The following IGF2BP3 variants were observed in gnomAD, a reference collection of about 807,000 sequenced individuals.
IGF2BP3 encodes insulin-like growth factor 2 mRNA-binding protein 3.
IGF2BP3 carries 9 observed loss-of-function variants against 73.8 expected under a neutral mutation model. The ratio of observed to expected loss-of-function variants is 0.12; its 90% confidence interval spans 0.07 to 0.21. The LOEUF (loss-of-function observed/expected upper bound fraction) is 0.21, where lower values mean the gene tolerates loss of function less well. Among genes scored for constraint, IGF2BP3 ranks in the 10% least tolerant of loss-of-function variants. The pLI is 1.00. For synonymous variants in IGF2BP3, 258 were observed against 256.7 expected (o/e 1.01, Z -0.05); for missense variants, 542 against 714.0 (o/e 0.76, Z 2.75).
chr7:23,438,267 C>T (rs374284430), intron 2 of IGF2BP3, among the ~76,000 whole-genome samples: 18 of 152,186 alleles, frequency 1.2e-4, no homozygotes, highest in African/African-American at 4.1e-4. Context: ...GCACCCACCA[C>T]CATGCCTGGC....
At chr7:23,391,931 A>G (rs1435586269) in intron 3 of IGF2BP3, among the ~76,000 whole-genome samples, 1 of 152,224 alleles carries the variant, frequency 6.6e-6, no homozygotes, top group Non-Finnish European at 1.5e-5. Context: ...TTCAAGAAAC[A>G]ATAAGTAAAT....
intron 14 of IGF2BP3, 70 bp downstream of exon 14, chr7:23,312,665 G>A (rs1783864773): frequency 9.0e-7 from 1 of 1,108,882 alleles, no homozygotes; most frequent in East Asian, 2.4e-5. Flanking sequence ...ATTCTATCAG[G>A]TAGGAGCACC....
chr7:23,342,736 T>C (rs1229187453), intron 9 of IGF2BP3, among the ~76,000 whole-genome samples: 1 of 152,154 alleles, frequency 6.6e-6, no homozygotes. Context: ...GAAAGGGTAT[T>C]TTAATTTGTT....
chr7:23,415,881 T>G (rs1787176271), intron 3 of IGF2BP3, among the ~76,000 whole-genome samples: 1 of 152,194 alleles, frequency 6.6e-6, no homozygotes, highest in African/African-American at 2.4e-5. Context: ...AAATACCGAG[T>G]ATGTTATCTG....
intron 10 of IGF2BP3, among the ~76,000 whole-genome samples, chr7:23,321,318 A>T (rs546050428): frequency 6.6e-6 from 1 of 152,218 alleles, no homozygotes; most frequent in South Asian, 2.1e-4. Context: ...GACAGACGGC[A>T]CCTGGAAAAT....
intron 2 of IGF2BP3, among the ~76,000 whole-genome samples, chr7:23,422,897 G>A (rs1271471354): frequency 2.0e-5 from 3 of 152,168 alleles, no homozygotes; most frequent in Non-Finnish European, 4.4e-5. Flanking sequence ...CCAGGTTCAA[G>A]CAATTCTCCT....
At chr7:23,451,488 G>C (rs1020518471) in intron 2 of IGF2BP3, among the ~76,000 whole-genome samples, 1 of 152,182 alleles carries the variant, frequency 6.6e-6, no homozygotes, top group Non-Finnish European at 1.5e-5. Context: ...TATCATTCCA[G>C]GAGGCTGAGG....
intron 7 of IGF2BP3, 26 bp downstream of exon 7, chr7:23,347,574 T>C (rs1225344681): frequency 1.2e-6 from 2 of 1,602,840 alleles, no homozygotes; most frequent in African/African-American, 2.7e-5. Flanking sequence ...ATCAACCTCT[T>C]TCACAGGACA....
chr7:23,449,691 G>A (rs1418197647), intron 2 of IGF2BP3, among the ~76,000 whole-genome samples: 1 of 151,238 alleles, frequency 6.6e-6, no homozygotes, highest in Admixed American at 6.6e-5. Context: ...CTGAGTAGCT[G>A]GGACCACAGG....
intron 7 of IGF2BP3, 81 bp from the exon 8 acceptor site, chr7:23,346,143 T>C: frequency 6.9e-7 from 1 of 1,457,318 alleles, no homozygotes; most frequent in Non-Finnish European, 9.3e-7. Flanking sequence ...TCATTAAACA[T>C]TTACTTCCTA....
At chr7:23,424,353 C>G (rs954148637) in intron 2 of IGF2BP3, among the ~76,000 whole-genome samples, 3 of 151,838 alleles carry the variant, frequency 2.0e-5, no homozygotes, top group African/African-American at 7.3e-5. Flanking sequence ...CAAAAATTAG[C>G]TGGGCGTAGT....
In IGF2BP3 at chr7:23,343,723, T is replaced by C. The variant is rs769464943; in HGVS notation, c.1072A>G (p.Met358Val). ...RESYENDIAS[M>V]NLQAHLIPGL... ...CCCTTCATAACAAAACTAACATTCA[T>C]AGAAGCAATATCATTTTCATAAGAC... The change falls in exon 9 of 15, where the codon ATG becomes GTG. Residue 358 changes from methionine to valine, a missense_variant. Physicochemically the swap from Met to Val is conservative, Grantham distance 21. Around this residue, in one of 2 missense-constraint regions of IGF2BP3, gnomAD observed 303 missense variants for 472.1 expected, o/e 0.64. Coordinates refer to ENST00000258729, the MANE Select transcript of IGF2BP3 (RefSeq NM_006547.3). The C allele has an allele frequency of 2.5e-6, 4 of 1,610,794 alleles. No individual in the cohort carries two copies. Among genetic ancestry groups the C allele is most frequent in the South Asian group, 1.1e-5 (1 of 90,974 alleles).
intron 9 of IGF2BP3, among the ~76,000 whole-genome samples, chr7:23,342,991 T>C (rs546686337): frequency 6.6e-6 from 1 of 152,326 alleles, no homozygotes; most frequent in Admixed American, 6.5e-5. Flanking sequence ...GGTTTTGTGT[T>C]TCAGATGACT....
intron 12 of IGF2BP3, among the ~76,000 whole-genome samples, chr7:23,314,478 C>T (rs1338705632): frequency 2.0e-5 from 3 of 151,954 alleles, no homozygotes; most frequent in East Asian, 2.0e-4. Context: ...TGAGCCACTG[C>T]GCCACTAATT....
At chr7:23,460,187 A>C (rs1476461986) in intron 2 of IGF2BP3, among the ~76,000 whole-genome samples, 1 of 150,026 alleles carries the variant, frequency 6.7e-6, no homozygotes, top group East Asian at 1.9e-4. Flanking sequence ...TCAAAAAAAA[A>C]AAAAAAAAAC....
At chr7:23,446,505 C>T (rs554764829) in intron 2 of IGF2BP3, among the ~76,000 whole-genome samples, 3 of 152,102 alleles carry the variant, frequency 2.0e-5, no homozygotes, top group South Asian at 4.2e-4. Context: ...GGCAGTGAGC[C>T]GAGATCGCAC....
intron 10 of IGF2BP3, among the ~76,000 whole-genome samples, chr7:23,327,480 A>G (rs1784334230): frequency 6.6e-6 from 1 of 151,772 alleles, no homozygotes; most frequent in Admixed American, 6.6e-5. Context: ...ACGGGGTTTC[A>G]CCGTGTTAGC....
intron 3 of IGF2BP3, among the ~76,000 whole-genome samples, chr7:23,378,115 C>T (rs77159694): frequency 0.015 from 2,222 of 151,846 alleles, 76 homozygotes; most frequent in East Asian, 0.12. Context: ...AAATATAGTT[C>T]GATTTTTAAA....
chr7:23,404,527 T>C (rs1005692068), intron 3 of IGF2BP3, among the ~76,000 whole-genome samples: 2 of 152,088 alleles, frequency 1.3e-5, no homozygotes, highest in Non-Finnish European at 1.5e-5. Flanking sequence ...ACACCCTCAA[T>C]TCAACCAACA....
Sources: allele counts gnomAD v4.1 joint callset (sites outside exome capture counted in the v4.1 genomes callset), GRCh38; gene constraint gnomAD v4.1.1; regional missense constraint gnomAD v4.1.1; transcripts MANE v1.5; gene names NCBI Gene and HGNC (gene_info 2026-07-23, HGNC 2026-07-21).